Variants in NAE1 observed in about 807,000 individuals in gnomAD.
The protein encoded by NAE1 is NEDD8 activating enzyme E1 subunit 1, also known as NEDD8-activating enzyme E1 regulatory subunit.
A neutral mutation model predicts 88.0 loss-of-function variants in NAE1; 59 were observed. That is an observed-to-expected ratio of 0.67 (90% CI 0.54 to 0.83). NAE1 has a LOEUF of 0.83. NAE1 is among the 40% of genes least tolerant of loss of function. The probability of loss-of-function intolerance (pLI) is 0.00; values close to 1 mark genes in which losing one functional copy is unlikely to be tolerated. For synonymous variants in NAE1, 186 were observed against 208.9 expected, an observed-to-expected ratio of 0.89 and a Z score of 0.95; for missense variants, 554 against 632.8, an observed-to-expected ratio of 0.88 and a Z score of 1.34.
rs573975537 is a variant in NAE1, at chr16:66,830,913, G to A, written c.-14C>T. ...CAGCTGCGCCATGGCCGCGCCTGCC[G>A]CGCGGAAAACAGCCGAGCCCCTGCG... On this transcript the variant is annotated 5_prime_UTR_variant, in exon 1 of 20. Transcript: ENST00000290810. The A allele has an allele frequency of 1.3e-5, 20 of 1,531,338 alleles. No individual in the cohort carries two copies. In the Admixed American group the frequency reaches 3.1e-4, roughly 24 times the overall value. 94.9% of individuals were successfully genotyped at this position (1,531,338 alleles called of 1,614,324 possible).
rs1298435306 is a variant in NAE1 at position 66,821,515 on chromosome 16, G to A, written c.446C>T (p.Pro149Leu). The A allele has an allele frequency of 6.2e-7, 1 of 1,602,294 alleles. No individual in the cohort carries two copies. The highest frequency in any genetic ancestry group is 8.5e-7 in the Non-Finnish European group (1 of 1,175,614). ...TCCATATGTCCTACAGATCAAAAGA[G>A]GAATCTGGGAATTCCAGAGGACATC... is the stretch of plus-strand genomic sequence containing the variant. ...LADVLWNSQI[P>L]LLICRTYGLV... The change falls in exon 7 of 20, where the codon CCT becomes CTT. Residue 149 changes from proline (P) to leucine (L), a missense_variant. Pro to Leu is a moderately conservative substitution (Grantham distance 98). Coordinates refer to ENST00000290810, the MANE Select transcript of NAE1 (RefSeq NM_003905.4).
At chr16:66,819,599 A>C (rs1960171743) in intron 7 of NAE1, among the ~76,000 whole-genome samples, 1 of 152,132 alleles carries the variant, frequency 6.6e-6, no homozygotes, top group African/African-American at 2.4e-5. Context: ...GATTTTGTTG[A>C]GTTTTTGGTA....
At chr16:66,817,189 T>C in intron 9 of NAE1, 161 bp from the exon 10 acceptor site, 1 of 1,018,134 alleles carries the variant, frequency 9.8e-7, no homozygotes, top group Non-Finnish European at 1.4e-6. Context: ...CTGTGACCAT[T>C]TATCTACATT....
chr16:66,812,728 C>T (rs373078644), intron 13 of NAE1, among the ~76,000 whole-genome samples: 4 of 151,324 alleles, frequency 2.6e-5, no homozygotes, highest in African/African-American at 7.3e-5. Flanking sequence ...ACCATGTTGG[C>T]CAGGATGGTC....
chr16:66,810,797 C>A, intron 13 of NAE1, 25 bp from the exon 14 acceptor site: 1 of 1,599,744 alleles, frequency 6.3e-7, no homozygotes, highest in Non-Finnish European at 8.5e-7. Flanking sequence ...AAAGCAATTA[C>A]TAACAAATTT....
At chr16:66,829,873 A>G (rs1455416248) in intron 1 of NAE1, among the ~76,000 whole-genome samples, 2 of 152,132 alleles carry the variant, frequency 1.3e-5, no homozygotes, top group African/African-American at 4.8e-5. Context: ...GTAAAATACA[A>G]TATTTATACG....
intron 7 of NAE1, among the ~76,000 whole-genome samples, chr16:66,820,342 G>A (rs956936384): frequency 6.6e-6 from 1 of 152,232 alleles, no homozygotes; most frequent in Non-Finnish European, 1.5e-5. Flanking sequence ...ATGGAGGTCT[G>A]CCTATAAACG....
chr16:66,816,765 T>C, intron 10 of NAE1, 93 bp from the exon 11 acceptor site: 1 of 1,282,572 alleles, frequency 7.8e-7, no homozygotes, highest in Non-Finnish European at 1.1e-6. Flanking sequence ...TCCTGCAGAA[T>C]ATTAAATCTT....
rs186580935 is a variant in NAE1, at chr16:66,810,741, C to T, written c.1066G>A (p.Ala356Thr). The change falls in exon 14 of 20, where the codon GCT (alanine) becomes ACT (threonine). Residue 356 changes from alanine to threonine, a missense_variant. By Grantham distance (58) the Ala-to-Thr change is moderately conservative (BLOSUM62 0). Coordinates refer to ENST00000290810, the MANE Select transcript of NAE1 (RefSeq NM_003905.4). ...YREKAKKDAA[A>T]VGNHVAKLLQ... ...AATTTGGCAACATGATTACCCACAGCGGCAGCATCTTTCTTTGCTTTTTCA... is the reference window on the plus strand; with the variant it reads ...AATTTGGCAACATGATTACCCACAGTGGCAGCATCTTTCTTTGCTTTTTCA... The T allele has an allele frequency of 4.3e-5, 69 of 1,614,116 alleles. No individual in the cohort carries two copies. Among genetic ancestry groups the T allele is most frequent in the East Asian group, 1.8e-4 (8 of 44,886 alleles).
At chr16:66,806,139 A>G in intron 17 of NAE1, 113 bp from the exon 18 acceptor site, 1 of 1,224,738 alleles carries the variant, frequency 8.2e-7, no homozygotes, top group East Asian at 2.6e-5. Flanking sequence ...GAAACTGAAG[A>G]ACAAAAATAA....
chr16:66,818,563 A>C lies in NAE1; in HGVS notation c.586T>G (p.Phe196Val). 6.2e-7 allele frequency: 1 copy of C among 1,613,270 alleles called. No individual in the cohort carries two copies. Among genetic ancestry groups the C allele is most frequent in the Non-Finnish European group, 8.5e-7 (1 of 1,179,660 alleles). Residue 196 changes from phenylalanine (F) to valine (V), a missense_variant, in exon 8 of 20, where the codon TTT (phenylalanine) becomes GTT (valine). By Grantham distance (50) the Phe-to-Val change is conservative. Transcript: ENST00000290810. ...ATATGATCCAAATCATAGGACTGAA[A>C]ATGTTCTCTCAGTTCAGGAAATGGC... ...DKPFPELREH[F>V]QSYDLDHMEK...
chr16:66,821,353 T>A, intron 7 of NAE1, 97 bp downstream of exon 7: 1 of 1,362,182 alleles, frequency 7.3e-7, no homozygotes, highest in Non-Finnish European at 9.5e-7. Context: ...CTGCTACAAA[T>A]TTACTTTGTA....
intron 17 of NAE1, among the ~76,000 whole-genome samples, chr16:66,806,353 TA>T: frequency 6.6e-6 from 1 of 152,336 alleles, no homozygotes; most frequent in South Asian, 2.1e-4. Flanking sequence ...ATACCCTTTA[TA>T]AAAGTTATTC....
At chr16:66,827,920 A>C in intron 1 of NAE1, 1 of 1,460,240 alleles carries the variant, frequency 6.8e-7, no homozygotes, top group Non-Finnish European at 9.5e-7. Flanking sequence ...TCCTGGGTTC[A>C]AGCATTTCTC....
chr16:66,823,209 A>G lies in NAE1; in HGVS notation c.401+18T>C. ...TCTAATAAGATTAAAATAAAAACATATTAACATAAAAATTTACCTTTCAGG... is the reference window on the plus strand; with the variant it reads ...TCTAATAAGATTAAAATAAAAACATGTTAACATAAAAATTTACCTTTCAGG... On this transcript the variant is annotated intron_variant, in intron 6 of 19. Coordinates refer to ENST00000290810, the MANE Select transcript of NAE1 (RefSeq NM_003905.4). 1 of 1,463,066 alleles carries G rather than the reference A, an allele frequency of 6.8e-7. No homozygotes were observed. Among genetic ancestry groups the G allele is most frequent in the Non-Finnish European group, 9.4e-7 (1 of 1,062,704 alleles). 90.6% of individuals were successfully genotyped at this position (1,463,066 alleles called of 1,614,324 possible).
At position 66,816,659 on chromosome 16, in the gene NAE1, A is replaced by AT; in HGVS notation, c.761dup (p.Asn254LysfsTer2). On this transcript the variant is annotated frameshift_variant, in exon 11 of 20. Transcript: ENST00000290810. LOFTEE classifies it high-confidence loss of function. ...CTTCATCTTCTGGAGCCCCATTTTC[A>AT]TTTTTTAGAATTCCTATTGTAATGG... The AT allele has an allele frequency of 6.2e-7, 1 of 1,608,884 alleles. No homozygotes were observed. The highest frequency in any genetic ancestry group is 8.5e-7 in the Non-Finnish European group (1 of 1,176,098).
In NAE1 at chr16:66,809,042, C is replaced by T; in HGVS notation, c.1184G>A (p.Cys395Tyr). Residue 395 changes from cysteine (C) to tyrosine (Y), a missense_variant, in exon 16 of 20, where the codon TGT becomes TAT. Cys to Tyr is a radical substitution (Grantham distance 194). Coordinates refer to ENST00000290810, the MANE Select transcript of NAE1 (RefSeq NM_003905.4). ...ACCATATTCTTCAGCTAAGGATCGA[C>T]ATCTTACCACTCGAAGAAATGCAGA... ...SNSAFLRVVR[C>Y]RSLAEEYGLD... is the part of the protein sequence containing the mutation. 1 of 1,612,656 alleles carries T rather than the reference C, an allele frequency of 6.2e-7. No homozygotes were observed. The highest frequency in any genetic ancestry group is 8.5e-7 in the Non-Finnish European group (1 of 1,179,136).
intron 1 of NAE1, among the ~76,000 whole-genome samples, chr16:66,829,195 A>T (rs1246490917): frequency 6.6e-6 from 1 of 152,210 alleles, no homozygotes; most frequent in Non-Finnish European, 1.5e-5. Context: ...TTGGGACTTA[A>T]ATGGAATGCC....
chr16:66,803,822 A>C (rs1959450792), intron 19 of NAE1, among the ~76,000 whole-genome samples: 1 of 151,986 alleles, frequency 6.6e-6, no homozygotes, highest in African/African-American at 2.4e-5. Flanking sequence ...TGAACTCCTG[A>C]CCTCAAGTGA....
Sources: allele counts gnomAD v4.1 joint callset (sites outside exome capture counted in the v4.1 genomes callset), GRCh38; gene constraint gnomAD v4.1.1; transcripts MANE v1.5; gene names NCBI Gene and HGNC (gene_info 2026-07-23, HGNC 2026-07-21).